Variants in PLAAT2 observed in about 807,000 individuals in gnomAD.
The protein encoded by PLAAT2 is HRAS like suppressor 2.
Under a neutral mutation model 12.8 loss-of-function variants are expected in PLAAT2, and 12 were observed. That is an observed-to-expected ratio of 0.94 (90% CI 0.60 to 1.52). The LOEUF is 1.52. Among genes scored for constraint, PLAAT2 ranks in the 40% most tolerant of loss-of-function variants. PLAAT2 has a pLI of 0.00. For synonymous variants in PLAAT2, 79 were observed against 86.8 expected (o/e 0.91, Z 0.50); for missense variants, 166 against 208.1 (o/e 0.80, Z 1.24).
rs192307355 is a variant in PLAAT2 at position 63,554,497 on chromosome 11, G to A, written c.388-1432C>T. Reference sequence around the variant, plus strand: ...AAAAAAATTAGCCAGGCATGGTGGCGGGTGCCTATAATCCCAGCTACCTGG... The same window carrying A: ...AAAAAAATTAGCCAGGCATGGTGGCAGGTGCCTATAATCCCAGCTACCTGG... On this transcript the variant is annotated intron_variant, in intron 3 of 3. Coordinates refer to ENST00000255695, the MANE Select transcript of PLAAT2 (RefSeq NM_017878.2). Among the ~76,000 whole-genome samples the A allele has an allele frequency of 3.9e-3, 600 of 152,130 alleles. 4 individuals are homozygous for A. Among genetic ancestry groups the A allele is most frequent in the Non-Finnish European group, 5.7e-3 (389 of 68,008 alleles).
upstream of PLAAT2, among the ~76,000 whole-genome samples, chr11:63,564,186 C>T (rs993353134): frequency 6.6e-6 from 1 of 152,152 alleles, no homozygotes; most frequent in African/African-American, 2.4e-5. Flanking sequence ...GAAACCACTC[C>T]CCTTTCTGCC....
chr11:63,553,289 C>A (rs1313254867), intron 3 of PLAAT2, among the ~76,000 whole-genome samples: 1 of 152,050 alleles, frequency 6.6e-6, no homozygotes, highest in African/African-American at 2.4e-5. Flanking sequence ...AGAATGAAGC[C>A]ATAGGCGTGA....
chr11:63,559,581 A>G (rs996086404), intron 2 of PLAAT2, among the ~76,000 whole-genome samples: 4 of 151,938 alleles, frequency 2.6e-5, no homozygotes, highest in African/African-American at 4.8e-5. Flanking sequence ...AAATTCTCCA[A>G]TTGGCCTCTA....
chr11:63,558,235 C>G (rs150030613), intron 3 of PLAAT2, among the ~76,000 whole-genome samples, 157 bp downstream of exon 3: 24 of 152,266 alleles, frequency 1.6e-4, no homozygotes, highest in African/African-American at 5.8e-4. Context: ...TTGTCCCCAC[C>G]CCAAATGTGA....
At chr11:63,561,188 G>A (rs2017514906) in intron 1 of PLAAT2, among the ~76,000 whole-genome samples, 1 of 152,218 alleles carries the variant, frequency 6.6e-6, no homozygotes, top group South Asian at 2.1e-4. Flanking sequence ...GATGGAATTG[G>A]AGATCATTAT....
chr11:63,563,135 G>T (rs1325307161), intron 1 of PLAAT2, among the ~76,000 whole-genome samples, 181 bp downstream of exon 1: 1 of 152,170 alleles, frequency 6.6e-6, no homozygotes, highest in African/African-American at 2.4e-5. Context: ...AGCCTCCAGG[G>T]TCATAACCCA....
chr11:63,560,502 A>T (rs2017509520), intron 1 of PLAAT2, among the ~76,000 whole-genome samples: 1 of 152,188 alleles, frequency 6.6e-6, no homozygotes, highest in Non-Finnish European at 1.5e-5. Context: ...AGTGCATTTT[A>T]TGCACAGAGT....
intron 3 of PLAAT2, 40 bp downstream of exon 3, chr11:63,558,352 G>A (rs921447808): frequency 1.9e-6 from 3 of 1,603,922 alleles, no homozygotes; most frequent in Middle Eastern, 1.8e-4. Context: ...CTGAGGGAGT[G>A]GCCTGGCTCC....
chr11:63,563,260 C>T (rs1009867474), intron 1 of PLAAT2, 56 bp downstream of exon 1: 18 of 1,606,928 alleles, frequency 1.1e-5, no homozygotes, highest in South Asian at 6.6e-5. Context: ...ATAATCATCA[C>T]TAATAGGGTG....
chr11:63,563,053 G>A (rs1590672238), intron 1 of PLAAT2, among the ~76,000 whole-genome samples: 1 of 152,336 alleles, frequency 6.6e-6, no homozygotes, highest in East Asian at 1.9e-4. Context: ...GGCCAGAGGA[G>A]GGCTTGGAAA....
At position 63,560,108 on chromosome 11, in the gene PLAAT2, T is replaced by C. The variant is rs1170465102; in HGVS notation, c.95A>G (p.Tyr32Cys). The change falls in exon 2 of 4, where the codon TAT becomes TGT. Residue 32 changes from tyrosine (Y) to cysteine (C), a missense_variant. Tyr to Cys is a radical substitution (Grantham distance 194). Transcript: ENST00000255695. ...AHWAIYVGDG[Y>C]VVHLAPASEI... ...ACTTGCCGGAGCCAGATGGACCACA[T>C]AGCCATCTCCCACGTAGATGGCCCA... The C allele has an allele frequency of 4.3e-6, 7 of 1,611,436 alleles. No homozygotes were observed. The highest frequency in any genetic ancestry group is 1.7e-5 in the Admixed American group (1 of 59,936).
At chr11:63,563,715 CAAAAAAAAA>C (rs35852892), upstream of PLAAT2, among the ~76,000 whole-genome samples, 1 of 56,116 alleles carries the variant, frequency 1.8e-5, no homozygotes, top group Non-Finnish European at 3.6e-5. Flanking sequence ...GAGACTCAGT[CAAAAAAAAA>C]AAAAAAAAAA....
At chr11:63,562,384 G>T (rs373524935) in intron 1 of PLAAT2, among the ~76,000 whole-genome samples, 1 of 152,110 alleles carries the variant, frequency 6.6e-6, no homozygotes, top group African/African-American at 2.4e-5. Flanking sequence ...AAGAAGCTAG[G>T]ACTATAAGCA....
chr11:63,554,175 G>GTGGGGGC (rs2017444625), intron 3 of PLAAT2, among the ~76,000 whole-genome samples: 1 of 107,682 alleles, frequency 9.3e-6, no homozygotes, highest in Non-Finnish European at 1.8e-5. Flanking sequence ...GGGGTGGGGG[G>GTGGGGGC]TGGGGGTGAA....
chr11:63,556,757 C>T (rs913229749), intron 3 of PLAAT2, among the ~76,000 whole-genome samples: 6 of 152,196 alleles, frequency 3.9e-5, no homozygotes, highest in African/African-American at 9.6e-5. Flanking sequence ...CCTGAATCTA[C>T]GGTGCACAGG....
intron 3 of PLAAT2, among the ~76,000 whole-genome samples, chr11:63,553,930 G>A (rs1275843144): frequency 1.3e-5 from 2 of 152,202 alleles, no homozygotes; most frequent in Non-Finnish European, 2.9e-5. Context: ...GGAGCATTGA[G>A]GGTGTGCTTT....
chr11:63,562,441 A>G (rs867988957), intron 1 of PLAAT2, among the ~76,000 whole-genome samples: 1 of 152,152 alleles, frequency 6.6e-6, no homozygotes, highest in South Asian at 2.1e-4. Flanking sequence ...TAGGGATGGG[A>G]TCTCACTATG....
chr11:63,554,559 C>G (rs934383449), intron 3 of PLAAT2, among the ~76,000 whole-genome samples: 5 of 150,274 alleles, frequency 3.3e-5, no homozygotes, highest in African/African-American at 1.2e-4. Context: ...ACCCAGGAGG[C>G]AGAGGTTGCA....
intron 3 of PLAAT2, 82 bp downstream of exon 3, chr11:63,558,310 C>A: frequency 6.7e-7 from 1 of 1,501,674 alleles, no homozygotes; most frequent in South Asian, 1.2e-5. Context: ...TCCATCCCAC[C>A]CTGGCCCCAG....
Sources: allele counts gnomAD v4.1 joint callset (sites outside exome capture counted in the v4.1 genomes callset), GRCh38; gene constraint gnomAD v4.1.1; transcripts MANE v1.5; gene names NCBI Gene and HGNC (gene_info 2026-07-23, HGNC 2026-07-21).